PAX2: variants seen among roughly 807,000 people sequenced by gnomAD.
PAX2 encodes the protein paired box 2, also known as paired box protein Pax-2.
A neutral mutation model predicts 41.7 loss-of-function variants in PAX2; 9 were observed. That is an observed-to-expected ratio of 0.22 (90% confidence interval 0.13 to 0.38). The LOEUF (loss-of-function observed/expected upper bound fraction) is 0.38, where lower values mean the gene tolerates loss of function less well. Among genes scored for constraint, PAX2 ranks in the 10% least tolerant of loss-of-function variants. The probability of loss-of-function intolerance (pLI) is 1.00; values close to 1 mark genes in which losing one functional copy is unlikely to be tolerated. For synonymous variants in PAX2, 221 were observed against 212.7 expected, an observed-to-expected ratio of 1.04 and a Z score of -0.34; for missense variants, 418 against 531.6, an observed-to-expected ratio of 0.79 and a Z score of 2.10.
chr10:100,789,894 G>A (rs1362745547), intron 5 of PAX2, among the ~76,000 whole-genome samples: 1 of 152,230 alleles, frequency 6.6e-6, no homozygotes, highest in African/African-American at 2.4e-5. Context: ...TCCAGAGGTA[G>A]GTGTAGGTTC....
In PAX2 at chr10:100,824,353, T is replaced by TACACACACACACACAC. The variant is rs61572589; in HGVS notation, c.920-267_920-252dup. 4.4e-5 allele frequency among the ~76,000 whole-genome samples: 6 copies of TACACACACACACACAC among 135,572 alleles called. No homozygotes were observed. The highest frequency in any genetic ancestry group is 2.6e-4 in the South Asian group (1 of 3,776). The allele number at this position is 135,572 out of a possible 152,430, so 88.9% of individuals were successfully genotyped here. A position where few individuals can be genotyped will look rare whatever the true frequency, so the allele number is the denominator to read the frequency against. On this transcript the variant is annotated intron_variant, in intron 7 of 9. Transcript: ENST00000355243. The surrounding 1 kb of genome is among the most constrained non-coding windows in gnomAD (Gnocchi z 6.6). ...GCACAGAGACACAGGCAAAGGCAGA[T>TACACACACACACACAC]ACACACACACACACACACACACACA...
intron 3 of PAX2, among the ~76,000 whole-genome samples, chr10:100,775,151 A>T (rs1017071319): frequency 6.6e-6 from 1 of 152,128 alleles, no homozygotes; most frequent in Non-Finnish European, 1.5e-5. Flanking sequence ...CCAGAACTTG[A>T]CCTTCCAGGT....
At chr10:100,758,669 C>T (rs981707420) in intron 3 of PAX2, among the ~76,000 whole-genome samples, 2 of 152,214 alleles carry the variant, frequency 1.3e-5, no homozygotes, top group Non-Finnish European at 2.9e-5. Context: ...CACATGGGCC[C>T]TGCCTGCAGG....
chr10:100,757,935 G>C (rs1196450081), intron 3 of PAX2, among the ~76,000 whole-genome samples: 1 of 152,184 alleles, frequency 6.6e-6, no homozygotes, highest in Non-Finnish European at 1.5e-5. Flanking sequence ...TCTCAGGTAA[G>C]AGAGGAAGTG....
intron 5 of PAX2, among the ~76,000 whole-genome samples, chr10:100,789,355 C>G (rs895031225): frequency 6.6e-6 from 1 of 152,320 alleles, no homozygotes; most frequent in East Asian, 1.9e-4. Context: ...ATCCACCCAC[C>G]TCAGCCTCCC....
chr10:100,772,987 C>G (rs1438652308), intron 3 of PAX2, among the ~76,000 whole-genome samples: 1 of 152,156 alleles, frequency 6.6e-6, no homozygotes, highest in Non-Finnish European at 1.5e-5. Flanking sequence ...TTCAGGGAAA[C>G]CTCTCACCCT....
chr10:100,788,238 A>T (rs1056059677), intron 5 of PAX2, among the ~76,000 whole-genome samples: 3 of 152,204 alleles, frequency 2.0e-5, no homozygotes, highest in South Asian at 4.1e-4. Context: ...CAATTACCTG[A>T]GCAGCTCTGC....
chr10:100,807,590 G>C (rs952755018), intron 6 of PAX2, among the ~76,000 whole-genome samples: 1 of 152,162 alleles, frequency 6.6e-6, no homozygotes, highest in African/African-American at 2.4e-5. Flanking sequence ...CCCGGCAGCC[G>C]CATGGAGCCA....
At chr10:100,825,750 G>A (rs560409586) in intron 8 of PAX2, among the ~76,000 whole-genome samples, 1 of 152,268 alleles carries the variant, frequency 6.6e-6, no homozygotes, top group East Asian at 1.9e-4. Context: ...CTTGGGGTAG[G>A]GGCAGCGGCA....
At chr10:100,772,824 TA>T (rs1278697171) in intron 3 of PAX2, among the ~76,000 whole-genome samples, 29 of 152,332 alleles carry the variant, frequency 1.9e-4, no homozygotes, top group Admixed American at 1.0e-3. Flanking sequence ...TTTGTTCCTC[TA>T]GGGAATAATT....
In PAX2 at chr10:100,748,784, T is replaced by TG. The variant is rs534828934; in HGVS notation, c.44-955dup. 1.9e-3 allele frequency: 1,909 copies of TG among 985,330 alleles called. 26 individuals carry two copies. The African/African-American group carries it at 0.027, about 14-fold the overall frequency. 61.0% of individuals were successfully genotyped at this position (985,330 alleles called of 1,614,324 possible). A position where few individuals can be genotyped will look rare whatever the true frequency, so the allele number is the denominator to read the frequency against. On this transcript the variant is annotated intron_variant, in intron 1 of 9. Coordinates refer to ENST00000355243, the MANE Select transcript of PAX2 (RefSeq NM_000278.5). This position sits in a 1 kb window ranked among gnomAD's most constrained non-coding sequence, Gnocchi z 5.0. ...CAAAAGCCCGAGCCGCTCGGTTTCCTGGGGGGGCTGCCGAGGTCTGAGGGG... is the reference window on the plus strand; with the variant it reads ...CAAAAGCCCGAGCCGCTCGGTTTCCTGGGGGGGGCTGCCGAGGTCTGAGGGG...
At chr10:100,809,639 C>T (rs912350117) in intron 7 of PAX2, among the ~76,000 whole-genome samples, 1 of 152,238 alleles carries the variant, frequency 6.6e-6, no homozygotes, top group Non-Finnish European at 1.5e-5. Context: ...ACACTTGGGT[C>T]TCCAAGGCTC....
chr10:100,777,097 ATTTTT>A (rs532321832), intron 3 of PAX2, among the ~76,000 whole-genome samples: 280 of 122,368 alleles, frequency 2.3e-3, no homozygotes, highest in African/African-American at 7.7e-3. Context: ...TGGTACTGTG[ATTTTT>A]TTTTTTTTTT....
chr10:100,818,026 G>A (rs1848246832), intron 7 of PAX2, among the ~76,000 whole-genome samples: 1 of 152,142 alleles, frequency 6.6e-6, no homozygotes, highest in Non-Finnish European at 1.5e-5. Flanking sequence ...TATTATAAAT[G>A]CCTATGTCAA....
At chr10:100,787,873 T>C (rs879627374) in intron 5 of PAX2, among the ~76,000 whole-genome samples, 1 of 151,926 alleles carries the variant, frequency 6.6e-6, no homozygotes, top group Admixed American at 6.5e-5. Context: ...AAGAAGGCAG[T>C]CATTACTGCA....
chr10:100,774,732 A>G (rs371552773), intron 3 of PAX2, among the ~76,000 whole-genome samples: 1 of 152,204 alleles, frequency 6.6e-6, no homozygotes, highest in Non-Finnish European at 1.5e-5. Flanking sequence ...CCACAGTCCT[A>G]TGAAGTGTAT....
upstream of PAX2, among the ~76,000 whole-genome samples, chr10:100,742,843 C>CCTTTT (rs1845014342): frequency 2.4e-5 from 1 of 41,206 alleles, no homozygotes; most frequent in African/African-American, 1.0e-4. Context: ...TTCTTTCTTC[C>CCTTTT]TTTTTTTTTT....
At chr10:100,788,119 C>T (rs1052302887) in intron 5 of PAX2, among the ~76,000 whole-genome samples, 5 of 152,230 alleles carry the variant, frequency 3.3e-5, no homozygotes, top group Non-Finnish European at 5.9e-5. Flanking sequence ...CTCTCCCTCT[C>T]TCACATGGAT....
At position 100,756,283 on chromosome 10, in the gene PAX2, C is replaced by T. The variant is rs149890024; in HGVS notation, c.410+5392C>T. Among the ~76,000 whole-genome samples, 26 of 152,226 alleles carry T rather than the reference C, an allele frequency of 1.7e-4. No individual in the cohort carries two copies. In the East Asian group the frequency reaches 4.3e-3, roughly 25 times the overall value. ...GGACTGATGAAAGAGCCCCATTGTC[C>T]GCTCCCAGCTTCTTAGGTGTCCAAC... On this transcript the variant is annotated intron_variant, in intron 3 of 9. Transcript: ENST00000355243.
Sources: allele counts gnomAD v4.1 joint callset (sites outside exome capture counted in the v4.1 genomes callset), GRCh38; gene constraint gnomAD v4.1.1; non-coding constraint Gnocchi (gnomAD v3.1); transcripts MANE v1.5; gene names NCBI Gene and HGNC (gene_info 2026-07-23, HGNC 2026-07-21).